The following MARVELD2 variants were observed in gnomAD, a reference collection of about 807,000 sequenced individuals.
MARVELD2 encodes the protein MARVEL domain-containing protein 2.
A neutral mutation model predicts 57.6 loss-of-function variants in MARVELD2; 49 were observed. The ratio of observed to expected loss-of-function variants is 0.85; its 90% CI spans 0.68 to 1.08. The LOEUF is 1.08. Among genes scored for constraint, MARVELD2 ranks in the 50% least tolerant of loss-of-function variants. The probability of loss-of-function intolerance (pLI) is 0.00; values close to 1 mark genes in which losing one functional copy is unlikely to be tolerated. For synonymous variants in MARVELD2, 238 were observed against 258.8 expected, an observed-to-expected ratio of 0.92 and a Z score of 0.77; for missense variants, 606 against 701.1, an observed-to-expected ratio of 0.86 and a Z score of 1.53.
chr5:69,420,053 A>G lies in MARVELD2; in HGVS notation c.668A>G (p.Asn223Ser), dbSNP rs1319523213. The part of the protein sequence containing the change: ...AYIHKDSEWY[N>S]LFGYSQPYGM... ...ATTCACAAGGACAGTGAGTGGTACA[A>G]CTTGTTTGGATATTCACAACCGTAT... The change falls in exon 2 of 7, where the codon AAC (asparagine) becomes AGC (serine). Residue 223 changes from asparagine (N) to serine (S), a missense_variant. Transcript: ENST00000325631. The G allele has an allele frequency of 6.2e-7, 1 of 1,613,960 alleles. No homozygotes were observed.
chr5:69,419,690 CG>C lies in MARVELD2; in HGVS notation c.307del (p.Val103CysfsTer60). ...GKKKDPEWDK[P>X]VSDIRYISDG... ...AAAAAGGACCCCGAATGGGATAAGC[CG>C]GTGTCTGATATCAGGTACATCTCCG... On this transcript the variant is annotated frameshift_variant, in exon 2 of 7. Coordinates refer to ENST00000325631, the MANE Select transcript of MARVELD2 (RefSeq NM_001038603.3). LOFTEE classifies it high-confidence loss of function. The C allele has an allele frequency of 6.2e-7, 1 of 1,614,116 alleles. No individual in the cohort carries two copies. Among genetic ancestry groups the C allele is most frequent in the East Asian group, 2.2e-5 (1 of 44,884 alleles).
chr5:69,426,319 A>ATATTATTATTATTAT (rs1263938251), intron 3 of MARVELD2, among the ~76,000 whole-genome samples: 2 of 45,596 alleles, frequency 4.4e-5, no homozygotes, highest in Non-Finnish European at 1.3e-4. Flanking sequence ...GAGATACTGG[A>ATATTATTATTATTAT]CATTATTATT....
At chr5:69,440,813 T>C (rs1444601951) in intron 6 of MARVELD2, among the ~76,000 whole-genome samples, 3 of 152,256 alleles carry the variant, frequency 2.0e-5, no homozygotes, top group Admixed American at 1.3e-4. Flanking sequence ...GGCTGGACAC[T>C]GGCTCAGGCC....
At chr5:69,427,007 C>A (rs1766812944) in intron 3 of MARVELD2, among the ~76,000 whole-genome samples, 3 of 152,172 alleles carry the variant, frequency 2.0e-5, no homozygotes, top group African/African-American at 7.2e-5. Flanking sequence ...ACTAGGTCAG[C>A]TACTTACTAG....
At chr5:69,424,404 A>C (rs1328154425) in intron 2 of MARVELD2, among the ~76,000 whole-genome samples, 197 bp from the exon 3 acceptor site, 1 of 152,168 alleles carries the variant, frequency 6.6e-6, no homozygotes, top group African/African-American at 2.4e-5. Context: ...CCTGATTGAC[A>C]GGGAATTACA....
At chr5:69,417,353 G>C (rs1580467576) in intron 1 of MARVELD2, among the ~76,000 whole-genome samples, 2 of 152,254 alleles carry the variant, frequency 1.3e-5, no homozygotes, top group South Asian at 4.1e-4. Flanking sequence ...GCACTCCCCC[G>C]GTTAAAGCAT....
chr5:69,416,320 C>T (rs1766420667), intron 1 of MARVELD2, among the ~76,000 whole-genome samples: 1 of 152,190 alleles, frequency 6.6e-6, no homozygotes, highest in African/African-American at 2.4e-5. Context: ...TTATAATATA[C>T]AGAGCCGCTT....
Position 69,420,174 on chromosome 5 carries a change from T to G in MARVELD2, c.789T>G (p.Ala263=), listed in dbSNP as rs1766574439. ...TPFVLVVAGL[A]WITTIIILVL... is the part of the protein sequence containing the mutation. ...TTGTACTCGTGGTTGCTGGATTAGC[T>G]TGGATCACCACCATTATTATTCTGG... is the stretch of plus-strand genomic sequence containing the variant. The change falls in exon 2 of 7, where the codon GCT becomes GCG. Residue 263 remains alanine (A), a synonymous_variant. Transcript: ENST00000325631. 6.2e-7 allele frequency: 1 copy of G among 1,614,100 alleles called. No homozygotes were observed. Among genetic ancestry groups the G allele is most frequent in the Admixed American group, 1.7e-5 (1 of 60,006 alleles).
chr5:69,415,145 G>T lies in MARVELD2; in HGVS notation c.-41G>T, dbSNP rs1766341707. Reference sequence around the variant, plus strand: ...CCGGTTTCAGAGTCCTGGGCAGCGTGCGCGCTCTTCCTGGCGGCTGCGCAG... The same window carrying T: ...CCGGTTTCAGAGTCCTGGGCAGCGTTCGCGCTCTTCCTGGCGGCTGCGCAG... On this transcript the variant is annotated 5_prime_UTR_variant, in exon 1 of 7. Coordinates refer to ENST00000325631, the MANE Select transcript of MARVELD2 (RefSeq NM_001038603.3). The T allele has an allele frequency of 6.6e-6, 1 of 152,322 alleles. No individual in the cohort carries two copies. Among genetic ancestry groups the T allele is most frequent in the Admixed American group, 6.5e-5 (1 of 15,288 alleles). The allele number at this position is 152,322 out of a possible 1,614,324, so 9.4% of individuals were successfully genotyped here.
chr5:69,440,524 A>G (rs1180379854), intron 6 of MARVELD2, 24 bp downstream of exon 6: 2 of 1,284,038 alleles, frequency 1.6e-6, no homozygotes, highest in Non-Finnish European at 2.3e-6. Flanking sequence ...TTTTCTTCAA[A>G]CTGTATTCTT....
intron 2 of MARVELD2, among the ~76,000 whole-genome samples, chr5:69,422,094 C>G (rs1033343387): frequency 2.6e-5 from 4 of 152,124 alleles, no homozygotes; most frequent in African/African-American, 9.7e-5. Context: ...ATCCCGTCAT[C>G]TTCATAAACT....
intron 3 of MARVELD2, among the ~76,000 whole-genome samples, chr5:69,426,307 T>A (rs1766790257): frequency 7.8e-6 from 1 of 128,996 alleles, no homozygotes; most frequent in South Asian, 2.5e-4. Flanking sequence ...CCCTCATTTT[T>A]TGAGATACTG....
intron 3 of MARVELD2, among the ~76,000 whole-genome samples, chr5:69,428,078 T>C (rs1242648687): frequency 6.6e-6 from 1 of 151,610 alleles, no homozygotes; most frequent in Non-Finnish European, 1.5e-5. Flanking sequence ...GCCACTGCAC[T>C]CCAGCCTGGG....
chr5:69,421,533 TATAAC>T (rs931210124), intron 2 of MARVELD2, among the ~76,000 whole-genome samples: 11 of 152,212 alleles, frequency 7.2e-5, no homozygotes, highest in Non-Finnish European at 4.4e-5. Flanking sequence ...ATCCTGTCCT[TATAAC>T]AGCACACACT....
intron 3 of MARVELD2, among the ~76,000 whole-genome samples, chr5:69,429,753 A>C (rs532133497): frequency 1.4e-5 from 2 of 147,412 alleles, no homozygotes; most frequent in African/African-American, 5.0e-5. Context: ...CCAAGGAGGG[A>C]GGATAGGTTG....
At chr5:69,419,294 C>G (rs1766521348) in intron 1 of MARVELD2, 77 bp from the exon 2 acceptor site, 1 of 1,411,838 alleles carries the variant, frequency 7.1e-7, no homozygotes, top group Non-Finnish European at 9.9e-7. Flanking sequence ...ATACTTTTTG[C>G]TACTACATGA....
intron 3 of MARVELD2, among the ~76,000 whole-genome samples, chr5:69,428,124 T>TGGG (rs1766853418): frequency 6.7e-6 from 1 of 149,796 alleles, no homozygotes; most frequent in South Asian, 2.1e-4. Flanking sequence ...AAAAAAAAAG[T>TGGG]TTTTTCCCAA....
intron 5 of MARVELD2, 53 bp from the exon 6 acceptor site, chr5:69,440,397 G>A: frequency 3.3e-6 from 3 of 906,344 alleles, no homozygotes; most frequent in Non-Finnish European, 5.4e-6. Flanking sequence ...TTTGAGATAT[G>A]ATTTGAGTAA....
chr5:69,420,605 T>C (rs748412858), intron 2 of MARVELD2, 74 bp downstream of exon 2: 13 of 1,399,956 alleles, frequency 9.3e-6, no homozygotes, highest in Non-Finnish European at 1.2e-5. Context: ...TGTTAAAAAA[T>C]GTATAGCGCT....
Sources: gnomAD v4.1 joint callset for allele counts (sites outside exome capture counted in the v4.1 genomes callset) on GRCh38, gnomAD v4.1.1 for gene constraint, MANE v1.5 for transcripts, NCBI Gene and HGNC (gene_info 2026-07-23, HGNC 2026-07-21) for gene names.